PPM1E: variants seen among roughly 807,000 people sequenced by gnomAD.
PPM1E encodes the protein protein phosphatase 1E.
A neutral mutation model predicts 65.9 loss-of-function variants in PPM1E; 20 were observed. The observed-to-expected ratio is 0.30, with a 90% CI of 0.21 to 0.44. PPM1E has a LOEUF of 0.44. Ranked by LOEUF, PPM1E falls within the 20% of genes least tolerant of loss-of-function variation. PPM1E has a pLI of 1.00. For missense variants in PPM1E, 713 were observed against 953.1 expected (o/e 0.75, Z 3.32); for synonymous variants, 352 against 374.9 (o/e 0.94, Z 0.70).
chr17:58,786,734 A>C (rs1308535164), intron 1 of PPM1E, among the ~76,000 whole-genome samples: 1 of 152,226 alleles, frequency 6.6e-6, no homozygotes, highest in East Asian at 1.9e-4. Context: ...GTAATGCATA[A>C]TTCTGCCACC....
intron 1 of PPM1E, among the ~76,000 whole-genome samples, chr17:58,911,527 T>C (rs1231340497): frequency 2.6e-5 from 4 of 152,184 alleles, no homozygotes; most frequent in Non-Finnish European, 5.9e-5. Context: ...AGTTGAAGGC[T>C]TTTCAGGTGC....
intron 1 of PPM1E, among the ~76,000 whole-genome samples, chr17:58,799,856 A>G (rs951410311): frequency 6.6e-6 from 1 of 152,242 alleles, no homozygotes; most frequent in Non-Finnish European, 1.5e-5. Context: ...CTGGGATTAC[A>G]GGTGTGAGCT....
chr17:58,935,857 C>T (rs571223423), intron 1 of PPM1E, among the ~76,000 whole-genome samples: 13 of 151,602 alleles, frequency 8.6e-5, no homozygotes, highest in African/African-American at 3.1e-4. Flanking sequence ...TTTTAGGGTA[C>T]ATGTGCACAA....
At position 58,914,215 on chromosome 17, in the gene PPM1E, A is replaced by G. The variant is rs766045330; in HGVS notation, c.465-41434A>G. ...ATTTCCCCTAATTTTAACATCTTAC[A>G]TTATCATGGTGTGTTTGACAAAACT... On this transcript the variant is annotated intron_variant, in intron 1 of 6. Coordinates refer to ENST00000308249, the MANE Select transcript of PPM1E (RefSeq NM_014906.5). Among the ~76,000 whole-genome samples, 16 of 152,262 alleles carry G rather than the reference A, an allele frequency of 1.1e-4. No individual in the cohort carries two copies. The South Asian group carries it at 1.9e-3, about 18-fold the overall frequency.
chr17:58,815,340 A>G (rs1033281842), intron 1 of PPM1E, among the ~76,000 whole-genome samples: 1 of 152,218 alleles, frequency 6.6e-6, no homozygotes, highest in Non-Finnish European at 1.5e-5. Context: ...ATTTGCTACT[A>G]TTTGTAAACT....
At chr17:58,801,277 T>C (rs947781719) in intron 1 of PPM1E, among the ~76,000 whole-genome samples, 1 of 152,138 alleles carries the variant, frequency 6.6e-6, no homozygotes, top group African/African-American at 2.4e-5. Flanking sequence ...TTTAGTCCAC[T>C]TTTTCCTTTG....
intron 1 of PPM1E, among the ~76,000 whole-genome samples, chr17:58,882,859 C>T (rs1267322225): frequency 6.6e-6 from 1 of 151,888 alleles, no homozygotes; most frequent in African/African-American, 2.4e-5. Flanking sequence ...TTCTCCTCTC[C>T]TATTTTTTCT....
intron 1 of PPM1E, among the ~76,000 whole-genome samples, chr17:58,880,660 G>T (rs2143387466): frequency 6.6e-6 from 1 of 152,220 alleles, no homozygotes; most frequent in East Asian, 1.9e-4. Context: ...ATCTTACTCT[G>T]TCGCCCAGGC....
At chr17:58,756,578 C>T (rs1469753784) in intron 1 of PPM1E, 117 bp downstream of exon 1, 7 of 1,157,884 alleles carry the variant, frequency 6.0e-6, no homozygotes, top group Non-Finnish European at 7.7e-6. Context: ...CCCGCACCCG[C>T]GCCTGCCGCC....
intron 1 of PPM1E, among the ~76,000 whole-genome samples, chr17:58,905,032 A>AAACAAACAAACAACAAAAAAC (rs1313665844): frequency 1.4e-5 from 2 of 147,822 alleles, no homozygotes; most frequent in Non-Finnish European, 3.0e-5. Context: ...CTCAAAAAAC[A>AAACAAACAAACAACAAAAAAC]AACAAACAAA....
At chr17:58,883,483 CTT>C (rs71143299) in intron 1 of PPM1E, among the ~76,000 whole-genome samples, 4 of 111,876 alleles carry the variant, frequency 3.6e-5, no homozygotes, top group Non-Finnish European at 5.5e-5. Flanking sequence ...GCTGCCTGTT[CTT>C]TTTTTTTTTT....
intron 1 of PPM1E, among the ~76,000 whole-genome samples, chr17:58,879,012 G>A (rs185715267): frequency 6.6e-6 from 1 of 151,452 alleles, no homozygotes; most frequent in Admixed American, 6.6e-5. Context: ...TCCTCCTTTT[G>A]TCATTCAGGA....
At position 58,765,247 on chromosome 17, in the gene PPM1E, G is replaced by A. The variant is rs367861647; in HGVS notation, c.464+8786G>A. On this transcript the variant is annotated intron_variant, in intron 1 of 6. Coordinates refer to ENST00000308249, the MANE Select transcript of PPM1E (RefSeq NM_014906.5). ...AGCTGGAGTGCAGTGACACGATCTC[G>A]GCTCACTGCAACTTCCAACTTCCTG... Among the ~76,000 whole-genome samples the A allele has an allele frequency of 2.8e-4, 42 of 148,660 alleles. No homozygotes were observed. In the South Asian group the frequency reaches 5.9e-3, roughly 21 times the overall value.
intron 1 of PPM1E, among the ~76,000 whole-genome samples, chr17:58,885,456 G>C (rs1199333873): frequency 6.6e-6 from 1 of 152,204 alleles, no homozygotes; most frequent in Non-Finnish European, 1.5e-5. Context: ...TTGGTAGTTT[G>C]TGCATATTTA....
rs2049758530 is a variant in PPM1E, at chr17:58,756,114, C to CGAACCT, written c.122_123insTGAACC (p.Pro43_Glu44dup). 3.1e-6 allele frequency: 5 copies of CGAACCT among 1,607,488 alleles called. No individual in the cohort carries two copies. Among genetic ancestry groups the CGAACCT allele is most frequent in the Non-Finnish European group, 4.2e-6 (5 of 1,176,584 alleles). ...CGGAGCCGGAACCCGAACCCGAACC[C>CGAACCT]GAACCCGAACCCGAGTCCGAGCCCG... On this transcript the variant is annotated inframe_insertion, in exon 1 of 7. Coordinates refer to ENST00000308249, the MANE Select transcript of PPM1E (RefSeq NM_014906.5).
chr17:58,826,336 C>T (rs1598595336), intron 1 of PPM1E, among the ~76,000 whole-genome samples: 1 of 150,144 alleles, frequency 6.7e-6, no homozygotes, highest in South Asian at 2.1e-4. Context: ...AGAAAGAAAG[C>T]GGCTTTGATG....
intron 1 of PPM1E, among the ~76,000 whole-genome samples, chr17:58,949,109 C>A (rs930956085): frequency 3.3e-5 from 5 of 152,172 alleles, no homozygotes; most frequent in Admixed American, 6.5e-5. Flanking sequence ...AAGTCCCCAG[C>A]TGTTATTGTA....
intron 2 of PPM1E, among the ~76,000 whole-genome samples, chr17:58,959,265 C>T (rs751926925): frequency 1.4e-4 from 19 of 137,122 alleles, no homozygotes; most frequent in African/African-American, 2.7e-4. Context: ...GCCGAGATTG[C>T]GCCATTGCAC....
intron 1 of PPM1E, among the ~76,000 whole-genome samples, chr17:58,880,632 G>GT (rs2051184518): frequency 6.6e-6 from 1 of 151,732 alleles, no homozygotes; most frequent in Non-Finnish European, 1.5e-5. Flanking sequence ...TTGTTTGTTT[G>GT]TTTTCTTTTG....
Sources: gnomAD v4.1 joint callset for allele counts (sites outside exome capture counted in the v4.1 genomes callset) on GRCh38, gnomAD v4.1.1 for gene constraint, MANE v1.5 for transcripts, NCBI Gene and HGNC (gene_info 2026-07-23, HGNC 2026-07-21) for gene names.